Variants in THSD4 observed in about 807,000 individuals in gnomAD.
THSD4 encodes thrombospondin type-1 domain-containing protein 4.
In THSD4, 69 loss-of-function variants were observed where a neutral mutation model predicts 119.0. The ratio of observed to expected loss-of-function variants is 0.58; its 90% CI spans 0.48 to 0.71. The LOEUF is 0.71. Ranked by LOEUF, THSD4 falls within the 30% of genes least tolerant of loss-of-function variation. The pLI, the probability that THSD4 is intolerant of heterozygous loss-of-function variation, is 0.00. For missense variants in THSD4, 1,393 were observed against 1,391.1 expected (o/e 1.00, Z -0.02); for synonymous variants, 524 against 540.4 (o/e 0.97, Z 0.42).
At chr15:71,394,730 C>A (rs2046423662) in intron 6 of THSD4, among the ~76,000 whole-genome samples, 1 of 152,218 alleles carries the variant, frequency 6.6e-6, no homozygotes, top group Admixed American at 6.5e-5. Context: ...AAAACCTTTC[C>A]TGATACCCTG....
intron 8 of THSD4, among the ~76,000 whole-genome samples, chr15:71,698,655 T>C (rs1447261631): frequency 6.7e-6 from 1 of 149,276 alleles, no homozygotes; most frequent in Non-Finnish European, 1.5e-5. Flanking sequence ...ATACATGAAA[T>C]ATATACATGC....
At chr15:71,400,747 T>C (rs1384599831) in intron 6 of THSD4, among the ~76,000 whole-genome samples, 1 of 151,928 alleles carries the variant, frequency 6.6e-6, no homozygotes, top group Non-Finnish European at 1.5e-5. Context: ...ATCTGTTGGG[T>C]AAGCACCCTG....
intron 7 of THSD4, among the ~76,000 whole-genome samples, chr15:71,494,579 G>A (rs2047980889): frequency 6.7e-6 from 1 of 148,560 alleles, no homozygotes; most frequent in African/African-American, 2.5e-5. Context: ...TGGACCCCAA[G>A]AGAAATACCT....
At chr15:71,739,835 T>C (rs2053201417) in intron 11 of THSD4, among the ~76,000 whole-genome samples, 1 of 151,832 alleles carries the variant, frequency 6.6e-6, no homozygotes, top group South Asian at 2.1e-4. Context: ...CTTTGCTTTT[T>C]TTTTTTCTTT....
intron 7 of THSD4, among the ~76,000 whole-genome samples, chr15:71,614,936 G>A (rs895314620): frequency 1.2e-4 from 18 of 152,164 alleles, no homozygotes; most frequent in Admixed American, 7.8e-4. Flanking sequence ...GGACCTCTGC[G>A]GAGCATGCTT....
intron 7 of THSD4, among the ~76,000 whole-genome samples, chr15:71,595,811 C>G (rs1404841272): frequency 6.6e-6 from 1 of 152,152 alleles, no homozygotes; most frequent in Non-Finnish European, 1.5e-5. Flanking sequence ...ACTGTTATAC[C>G]CATTCTACAG....
intron 14 of THSD4, among the ~76,000 whole-genome samples, chr15:71,748,804 A>T (rs1269826917): frequency 1.3e-5 from 2 of 152,198 alleles, no homozygotes; most frequent in Non-Finnish European, 2.9e-5. Flanking sequence ...GCAAAACTTG[A>T]TTGAATTCTC....
intron 6 of THSD4, among the ~76,000 whole-genome samples, chr15:71,377,765 G>T (rs989944542): frequency 1.3e-4 from 20 of 152,006 alleles, no homozygotes; most frequent in Middle Eastern, 3.4e-3. Context: ...GTCATCCTGG[G>T]CCTGAGAACT....
At chr15:71,518,550 GAT>G (rs2048393837) in intron 7 of THSD4, among the ~76,000 whole-genome samples, 2 of 152,140 alleles carry the variant, frequency 1.3e-5, no homozygotes, top group Non-Finnish European at 2.9e-5. Context: ...TTATCCTCTG[GAT>G]AATAATAACT....
At position 71,411,727 on chromosome 15, in the gene THSD4, G is replaced by C; in HGVS notation, c.1056G>C (p.Met352Ile). 2 of 1,614,110 alleles carry C rather than the reference G, an allele frequency of 1.2e-6. No homozygotes were observed. The highest frequency in any genetic ancestry group is 3.3e-5 in the Admixed American group (2 of 60,024). ...NRKCELNCQA[M>I]GYRFYVRQAE... ...AATGTGAGTTGAACTGCCAGGCAAT[G>C]GGCTACCGCTTCTATGTACGGCAAG... Residue 352 changes from methionine (M) to isoleucine (I), a missense_variant, in exon 7 of 18, where the codon ATG becomes ATC. Met to Ile is a conservative substitution (Grantham distance 10). Transcript: ENST00000261862.
In THSD4 at chr15:71,523,544, T is replaced by C. The variant is rs574360296; in HGVS notation, c.1152+111721T>C. On this transcript the variant is annotated intron_variant, in intron 7 of 17. Coordinates refer to ENST00000261862, the MANE Select transcript of THSD4 (RefSeq NM_024817.3). ...GAGTATATCTTTTGGGAGACCACGCTTCAACCTACTGCAATGATGCTGATG... is the reference window on the plus strand; with the variant it reads ...GAGTATATCTTTTGGGAGACCACGCCTCAACCTACTGCAATGATGCTGATG... 2.2e-3 allele frequency among the ~76,000 whole-genome samples: 339 copies of C among 152,282 alleles called. 11 individuals are homozygous for C. In the South Asian group the frequency reaches 0.067, roughly 30 times the overall value.
chr15:71,702,028 G>T (rs1450387783), intron 8 of THSD4, among the ~76,000 whole-genome samples: 2 of 152,184 alleles, frequency 1.3e-5, no homozygotes, highest in African/African-American at 4.8e-5. Context: ...GATGCCCCCT[G>T]CCAGGCCTCC....
At chr15:71,256,514 A>C in intron 5 of THSD4, 99 bp from the exon 6 acceptor site, 1 of 796,900 alleles carries the variant, frequency 1.3e-6, no homozygotes, top group Non-Finnish European at 1.8e-6. Flanking sequence ...TAAAAATAAA[A>C]AATAAATAAA....
intron 7 of THSD4, among the ~76,000 whole-genome samples, chr15:71,656,987 A>G (rs1995336): frequency 0.37 from 56,022 of 151,994 alleles, 11,306 homozygotes; most frequent in East Asian, 0.9. Context: ...AAATCCCTTC[A>G]CGCCATCCCC....
At chr15:71,560,009 T>A (rs1386358478) in intron 7 of THSD4, among the ~76,000 whole-genome samples, 2 of 152,204 alleles carry the variant, frequency 1.3e-5, no homozygotes, top group African/African-American at 4.8e-5. Flanking sequence ...TCCTCCCTAT[T>A]GTCTTATACT....
chr15:71,726,598 A>G (rs1477208369), intron 8 of THSD4, among the ~76,000 whole-genome samples: 2 of 152,204 alleles, frequency 1.3e-5, no homozygotes, highest in Non-Finnish European at 2.9e-5. Context: ...CCGAAGGTGC[A>G]AAGAGCCAGT....
chr15:71,122,482 C>G (rs190630674), intron 1 of THSD4, among the ~76,000 whole-genome samples: 134 of 152,310 alleles, frequency 8.8e-4, no homozygotes, highest in African/African-American at 3.2e-3. Context: ...AAAGGTCTCT[C>G]CCTGCTCTCA....
chr15:71,427,874 C>G (rs1404790141), intron 7 of THSD4, among the ~76,000 whole-genome samples: 1 of 151,984 alleles, frequency 6.6e-6, no homozygotes, highest in Non-Finnish European at 1.5e-5. Context: ...AACATTAAAA[C>G]AGATAAGAGA....
intron 1 of THSD4, among the ~76,000 whole-genome samples, chr15:71,131,547 G>A (rs1190376881): frequency 6.6e-6 from 1 of 150,582 alleles, no homozygotes; most frequent in African/African-American, 2.4e-5. Flanking sequence ...AAAATTCACA[G>A]AAGAGACAGT....
Sources: allele counts gnomAD v4.1 joint callset (sites outside exome capture counted in the v4.1 genomes callset), GRCh38; gene constraint gnomAD v4.1.1; transcripts MANE v1.5; gene names NCBI Gene and HGNC (gene_info 2026-07-23, HGNC 2026-07-21).